Variants in ANO2 observed in about 807,000 individuals in gnomAD.
ANO2 encodes the protein anoctamin 2.
ANO2 carries 101 observed loss-of-function variants against 124.2 expected under a neutral mutation model. That is an observed-to-expected ratio of 0.81 (90% confidence interval 0.69 to 0.96). ANO2 has a LOEUF of 0.96. Among genes scored for constraint, ANO2 ranks in the 40% least tolerant of loss-of-function variants. The pLI is 0.00. For synonymous variants in ANO2, 486 were observed against 482.5 expected (o/e 1.01, Z -0.09); for missense variants, 1,293 against 1,274.5 (o/e 1.01, Z -0.22).
At chr12:5,727,405 G>T (rs1172180951) in intron 14 of ANO2, among the ~76,000 whole-genome samples, 2 of 151,480 alleles carry the variant, frequency 1.3e-5, no homozygotes, top group Non-Finnish European at 2.9e-5. Context: ...ACAGAACCAT[G>T]AGCCAATTAA....
chr12:5,649,370 G>A (rs1008122033), intron 14 of ANO2, among the ~76,000 whole-genome samples: 5 of 152,128 alleles, frequency 3.3e-5, no homozygotes, highest in African/African-American at 4.8e-5. Context: ...GATAGAATCC[G>A]GTTGCTAGAC....
chr12:5,942,973 G>A (rs181947304), intron 1 of ANO2, among the ~76,000 whole-genome samples: 2 of 152,202 alleles, frequency 1.3e-5, no homozygotes, highest in East Asian at 1.9e-4. Context: ...ACTAGATGTC[G>A]GCATGGATGT....
At chr12:5,735,742 C>A (rs1950835795) in intron 13 of ANO2, among the ~76,000 whole-genome samples, 1 of 152,126 alleles carries the variant, frequency 6.6e-6, no homozygotes, top group Admixed American at 6.5e-5. Flanking sequence ...ATAACCAGGG[C>A]AAAGGCTGGA....
intron 14 of ANO2, among the ~76,000 whole-genome samples, chr12:5,678,317 T>G (rs757376168): frequency 2.0e-5 from 3 of 152,174 alleles, no homozygotes; most frequent in Non-Finnish European, 2.9e-5. Flanking sequence ...ACATTAGGAA[T>G]TCTGAAGGGC....
Position 5,573,197 on chromosome 12 carries a change from T to A in ANO2, c.2621+2637A>T, listed in dbSNP as rs566078461. 5.3e-5 allele frequency among the ~76,000 whole-genome samples: 8 copies of A among 152,294 alleles called. No homozygotes were observed. In the South Asian group the frequency reaches 1.7e-3, roughly 32 times the overall value. ...GAATGAAAACTTGCCTAAGATTAGA[T>A]CTACCTTCAACTTCCCATAGGGACC... On this transcript the variant is annotated intron_variant, in intron 23 of 24. Coordinates refer to ENST00000682330, the MANE Select transcript of ANO2 (RefSeq NM_001364791.2).
chr12:5,577,823 G>T, intron 22 of ANO2, 132 bp downstream of exon 22: 1 of 857,150 alleles, frequency 1.2e-6, no homozygotes. Flanking sequence ...CTGTTAACCA[G>T]AGCACTGTCA....
intron 12 of ANO2, chr12:5,739,945 T>A: frequency 2.2e-6 from 1 of 456,184 alleles, no homozygotes; most frequent in Non-Finnish European, 4.4e-6. Flanking sequence ...CCATCCTGCA[T>A]GTAGCTGATA....
rs1955548676 is a variant in ANO2 at position 5,870,619 on chromosome 12, A to G, written c.535-16478T>C. ...TCCTGGGAGAACCCAGAAATGAGCT[A>G]GAACACAGAGTCACAGAGATTTCCA... On this transcript the variant is annotated intron_variant, in intron 3 of 24. Coordinates refer to ENST00000682330, the MANE Select transcript of ANO2 (RefSeq NM_001364791.2). 2.7e-5 allele frequency among the ~76,000 whole-genome samples: 4 copies of G among 150,854 alleles called. No individual in the cohort carries two copies. In the South Asian group the frequency reaches 8.3e-4, roughly 31 times the overall value.
rs1377973624 is a variant in ANO2 at position 5,658,156 on chromosome 12, GC to G, written c.1546-10356del. ...AGTATGGTCTAGCCTGGAGGTGGCT[GC>G]CTGGGTTCAATTCCCAGCTTGCACG... On this transcript the variant is annotated intron_variant, in intron 14 of 24. Transcript: ENST00000682330. This position sits in a 1 kb window ranked among gnomAD's most constrained non-coding sequence, Gnocchi z 4.3. Among the ~76,000 whole-genome samples, 2 of 152,144 alleles carry G rather than the reference GC, an allele frequency of 1.3e-5. No homozygotes were observed. Among genetic ancestry groups the G allele is most frequent in the African/African-American group, 4.8e-5 (2 of 41,432 alleles).
At chr12:5,701,990 C>T (rs1399977281) in intron 14 of ANO2, among the ~76,000 whole-genome samples, 1 of 151,750 alleles carries the variant, frequency 6.6e-6, no homozygotes, top group Non-Finnish European at 1.5e-5. Context: ...TTTTAATTTC[C>T]AACCGAATTA....
At chr12:5,737,304 C>G (rs1950910805) in intron 13 of ANO2, among the ~76,000 whole-genome samples, 1 of 152,222 alleles carries the variant, frequency 6.6e-6, no homozygotes, top group Admixed American at 6.5e-5. Context: ...CCCCTCTCAG[C>G]CAGCACATGA....
chr12:5,675,512 C>A (rs1024331015), intron 14 of ANO2, among the ~76,000 whole-genome samples: 4 of 152,182 alleles, frequency 2.6e-5, no homozygotes, highest in Non-Finnish European at 4.4e-5. Context: ...TCCAGACCCT[C>A]GTATTTCCAA....
chr12:5,833,579 G>A (rs980258662), intron 4 of ANO2, among the ~76,000 whole-genome samples: 1 of 152,146 alleles, frequency 6.6e-6, no homozygotes, highest in Admixed American at 6.5e-5. Flanking sequence ...GACCGGTACT[G>A]GTCCATGGCC....
intron 19 of ANO2, among the ~76,000 whole-genome samples, chr12:5,605,700 T>C (rs189601317): frequency 9.1e-4 from 139 of 152,254 alleles, no homozygotes; most frequent in Non-Finnish European, 1.7e-3. Context: ...GGGGGCACTA[T>C]GCAGTCTGGA....
intron 15 of ANO2, among the ~76,000 whole-genome samples, chr12:5,640,082 A>G (rs1369149013): frequency 6.6e-6 from 1 of 152,164 alleles, no homozygotes; most frequent in Non-Finnish European, 1.5e-5. Flanking sequence ...GGATTGGCGG[A>G]GAGGAAATTC....
chr12:5,934,048 C>T (rs1378288917), intron 1 of ANO2, among the ~76,000 whole-genome samples: 3 of 152,224 alleles, frequency 2.0e-5, no homozygotes, highest in Non-Finnish European at 4.4e-5. Flanking sequence ...CTGTGCTGAA[C>T]TGAACATAGA....
At chr12:5,703,799 A>G (rs1167590567) in intron 14 of ANO2, among the ~76,000 whole-genome samples, 1 of 152,138 alleles carries the variant, frequency 6.6e-6, no homozygotes, top group Non-Finnish European at 1.5e-5. Context: ...TCAGCCCTTC[A>G]ACCTCCCAAA....
chr12:5,574,071 A>C (rs1324278224), intron 23 of ANO2, among the ~76,000 whole-genome samples: 1 of 152,222 alleles, frequency 6.6e-6, no homozygotes, highest in African/African-American at 2.4e-5. Flanking sequence ...ATCAAATATT[A>C]TTGGGGATGG....
intron 3 of ANO2, among the ~76,000 whole-genome samples, chr12:5,868,629 T>C (rs549542035): frequency 6.9e-4 from 105 of 152,288 alleles, no homozygotes; most frequent in African/African-American, 2.0e-3. Flanking sequence ...CATCCTCCCT[T>C]TTTTCCTAGA....
Sources: allele counts gnomAD v4.1 joint callset (sites outside exome capture counted in the v4.1 genomes callset), GRCh38; gene constraint gnomAD v4.1.1; non-coding constraint Gnocchi (gnomAD v3.1); transcripts MANE v1.5; gene names NCBI Gene and HGNC (gene_info 2026-07-23, HGNC 2026-07-21).